Variants in XPR1 observed in about 807,000 individuals in gnomAD.
XPR1 encodes solute carrier family 53 member 1.
XPR1 carries 28 observed loss-of-function variants against 87.5 expected under a neutral mutation model. That is an observed-to-expected ratio of 0.32 (90% CI 0.24 to 0.44). The LOEUF (loss-of-function observed/expected upper bound fraction) is 0.44, where lower values mean the gene tolerates loss of function less well. Ranked by LOEUF, XPR1 falls within the 20% of genes least tolerant of loss-of-function variation. The pLI is 1.00. For synonymous variants in XPR1, 300 were observed against 306.1 expected (o/e 0.98, Z 0.21); for missense variants, 559 against 862.3 (o/e 0.65, Z 4.41).
intron 1 of XPR1, among the ~76,000 whole-genome samples, chr1:180,657,812 T>G (rs952485346): frequency 2.0e-5 from 3 of 152,168 alleles, no homozygotes. Context: ...TTTTTTTCTA[T>G]TTCTGTGAAG....
chr1:180,850,936 G>A (rs1366121467), intron 11 of XPR1, among the ~76,000 whole-genome samples: 1 of 148,864 alleles, frequency 6.7e-6, no homozygotes, highest in Non-Finnish European at 1.5e-5. Flanking sequence ...TCCTGCGTGG[G>A]CAACAGATTG....
At chr1:180,812,286 A>G (rs951998411) in intron 7 of XPR1, among the ~76,000 whole-genome samples, 20 of 152,088 alleles carry the variant, frequency 1.3e-4, no homozygotes, top group African/African-American at 4.1e-4. Flanking sequence ...CTCTGTCTAT[A>G]TTTGTTTCCT....
rs1652794696 is a variant in XPR1, at chr1:180,879,933, C to T, written c.1809-143C>T. The T allele has an allele frequency of 3.5e-6, 3 of 857,370 alleles. No individual in the cohort carries two copies. In the Admixed American group the frequency reaches 7.8e-5, roughly 22 times the overall value. 53.1% of individuals were successfully genotyped at this position (857,370 alleles called of 1,614,324 possible). A position where few individuals can be genotyped will look rare whatever the true frequency, so the allele number is the denominator to read the frequency against. ...CCCCCACCACCACCTCCCCGCAACA[C>T]CATCTTTCCCTATTTTAATATTCAA... On this transcript the variant is annotated intron_variant, in intron 13 of 14. Transcript: ENST00000367590.
chr1:180,646,351 TGAA>T (rs1327390138), intron 1 of XPR1, among the ~76,000 whole-genome samples: 5 of 152,336 alleles, frequency 3.3e-5, no homozygotes, highest in African/African-American at 1.2e-4. Flanking sequence ...GACACATTGA[TGAA>T]GTGGTGGCTT....
At chr1:180,661,117 A>C (rs116220330) in intron 1 of XPR1, among the ~76,000 whole-genome samples, 2 of 151,582 alleles carry the variant, frequency 1.3e-5, no homozygotes, top group African/African-American at 4.8e-5. Context: ...ATCTATTCTT[A>C]TATTTTTTGT....
intron 1 of XPR1, among the ~76,000 whole-genome samples, chr1:180,675,409 A>T (rs1308790173): frequency 6.6e-6 from 1 of 152,156 alleles, no homozygotes; most frequent in Non-Finnish European, 1.5e-5. Context: ...GAGATATTTA[A>T]CCTTTTATCT....
At chr1:180,755,328 A>C (rs1647690328) in intron 2 of XPR1, among the ~76,000 whole-genome samples, 1 of 152,230 alleles carries the variant, frequency 6.6e-6, no homozygotes, top group African/African-American at 2.4e-5. Context: ...TAATAAGTTA[A>C]GAAGCAGGTG....
intron 2 of XPR1, among the ~76,000 whole-genome samples, chr1:180,685,183 T>A (rs955385568): frequency 1.3e-5 from 2 of 151,986 alleles, no homozygotes; most frequent in South Asian, 4.2e-4. Context: ...TTATTGAGAG[T>A]TTTTAGCATG....
At chr1:180,853,152 T>G (rs994327744) in intron 11 of XPR1, among the ~76,000 whole-genome samples, 1 of 152,174 alleles carries the variant, frequency 6.6e-6, no homozygotes, top group Non-Finnish European at 1.5e-5. Context: ...GGTCTTGAAC[T>G]CCTGACCTCA....
At chr1:180,823,029 C>G (rs1229344487) in intron 7 of XPR1, among the ~76,000 whole-genome samples, 1 of 152,148 alleles carries the variant, frequency 6.6e-6, no homozygotes, top group Non-Finnish European at 1.5e-5. Context: ...CACCTGAGGT[C>G]AGGAGTTCCA....
intron 2 of XPR1, among the ~76,000 whole-genome samples, chr1:180,759,673 T>G (rs1261827032): frequency 6.6e-6 from 1 of 152,200 alleles, no homozygotes; most frequent in Middle Eastern, 3.4e-3. Flanking sequence ...CACAGCCGAG[T>G]TCTACCAGAG....
intron 2 of XPR1, among the ~76,000 whole-genome samples, chr1:180,683,937 C>A (rs1380600637): frequency 6.6e-6 from 1 of 152,020 alleles, no homozygotes; most frequent in African/African-American, 2.4e-5. Flanking sequence ...ATGGTAGTTT[C>A]TTTTGCTGTG....
chr1:180,658,991 G>A (rs1655637290), intron 1 of XPR1, among the ~76,000 whole-genome samples: 1 of 152,198 alleles, frequency 6.6e-6, no homozygotes, highest in Non-Finnish European at 1.5e-5. Flanking sequence ...TCTTTTAAAT[G>A]TGTTGTTGAA....
intron 11 of XPR1, among the ~76,000 whole-genome samples, chr1:180,837,528 T>G (rs1036819733): frequency 1.3e-5 from 2 of 152,172 alleles, no homozygotes; most frequent in Non-Finnish European, 2.9e-5. Flanking sequence ...GCTACAAAAT[T>G]GCTGTCAATC....
intron 9 of XPR1, among the ~76,000 whole-genome samples, chr1:180,834,086 AT>A (rs113763392): frequency 0.048 from 7,075 of 146,280 alleles, 238 homozygotes; most frequent in Middle Eastern, 0.099. Context: ...TATTGTAATA[AT>A]TTTTTTTTTT....
intron 2 of XPR1, among the ~76,000 whole-genome samples, chr1:180,770,826 A>G (rs2102065628): frequency 6.6e-6 from 1 of 152,154 alleles, no homozygotes; most frequent in African/African-American, 2.4e-5. Context: ...TTCATTTGGT[A>G]TTGTTAATCA....
chr1:180,728,925 C>A (rs1658455380), intron 2 of XPR1, among the ~76,000 whole-genome samples: 1 of 152,100 alleles, frequency 6.6e-6, no homozygotes, highest in Non-Finnish European at 1.5e-5. Flanking sequence ...GTTTAGTGTA[C>A]AGATTATTTC....
intron 7 of XPR1, among the ~76,000 whole-genome samples, chr1:180,818,966 C>A (rs1230893836): frequency 1.3e-5 from 2 of 151,748 alleles, no homozygotes; most frequent in East Asian, 3.9e-4. Context: ...TTTTTTCCTT[C>A]AGAGACAGGG....
intron 2 of XPR1, among the ~76,000 whole-genome samples, chr1:180,684,033 T>C (rs2101947012): frequency 6.6e-6 from 1 of 152,372 alleles, no homozygotes; most frequent in African/African-American, 2.4e-5. Flanking sequence ...ATGAAGTCCT[T>C]GCCCATGCCT....
Sources: gnomAD v4.1 joint callset for allele counts (sites outside exome capture counted in the v4.1 genomes callset) on GRCh38, gnomAD v4.1.1 for gene constraint, MANE v1.5 for transcripts, NCBI Gene and HGNC (gene_info 2026-07-23, HGNC 2026-07-21) for gene names.